SLC30A6: variants seen among roughly 807,000 people sequenced by gnomAD.
The protein encoded by SLC30A6 is zinc transporter 6.
A neutral mutation model predicts 63.0 loss-of-function variants in SLC30A6; 55 were observed. The ratio of observed to expected loss-of-function variants is 0.87; its 90% CI spans 0.70 to 1.09. The LOEUF (loss-of-function observed/expected upper bound fraction) is 1.09, where lower values mean the gene tolerates loss of function less well. Ranked by LOEUF, SLC30A6 falls within the 50% of genes least tolerant of loss-of-function variation. SLC30A6 has a pLI of 0.00. For synonymous variants in SLC30A6, 224 were observed against 186.1 expected (o/e 1.20, Z -1.66); for missense variants, 587 against 549.2 (o/e 1.07, Z -0.69).
At chr2:32,186,077 C>T (rs1203048702) in intron 5 of SLC30A6, among the ~76,000 whole-genome samples, 2 of 151,980 alleles carry the variant, frequency 1.3e-5, no homozygotes, top group Admixed American at 1.3e-4. Flanking sequence ...CTGTGTCACC[C>T]AGGCTGAAGT....
intron 10 of SLC30A6, among the ~76,000 whole-genome samples, chr2:32,198,232 A>G (rs146839386): frequency 0.012 from 1,794 of 152,338 alleles, 25 homozygotes; most frequent in Non-Finnish European, 0.019. Flanking sequence ...ATGTTATGGC[A>G]TATGATTCTT....
chr2:32,181,933 CT>C (rs34589397), intron 4 of SLC30A6, among the ~76,000 whole-genome samples: 15,640 of 122,812 alleles, frequency 0.13, 541 homozygotes, highest in Middle Eastern at 0.17. Flanking sequence ...TTTTTCTTTT[CT>C]TTTTTTTTTT....
intron 10 of SLC30A6, among the ~76,000 whole-genome samples, chr2:32,204,314 C>T (rs1034346628): frequency 5.9e-5 from 9 of 152,074 alleles, no homozygotes; most frequent in African/African-American, 2.2e-4. Flanking sequence ...CAAAAAAATG[C>T]CTGACGGGGA....
chr2:32,218,134 T>A (rs1306773198), intron 13 of SLC30A6, among the ~76,000 whole-genome samples: 1 of 152,026 alleles, frequency 6.6e-6, no homozygotes, highest in Non-Finnish European at 1.5e-5. Flanking sequence ...AAAACATAAT[T>A]TATGGACCGG....
chr2:32,189,371 A>C (rs1169948853), intron 5 of SLC30A6, among the ~76,000 whole-genome samples: 1 of 149,930 alleles, frequency 6.7e-6, no homozygotes, highest in Non-Finnish European at 1.5e-5. Context: ...GGCTCACTGC[A>C]ACCTCCACCT....
chr2:32,203,486 G>A (rs1227668671), intron 10 of SLC30A6: 6 of 1,604,380 alleles, frequency 3.7e-6, no homozygotes, highest in Non-Finnish European at 4.3e-6. Flanking sequence ...GGATGCATTG[G>A]CTGCAGCTTT....
intron 13 of SLC30A6, among the ~76,000 whole-genome samples, chr2:32,210,633 C>T (rs1304139483): frequency 6.6e-6 from 1 of 150,428 alleles, no homozygotes; most frequent in Non-Finnish European, 1.5e-5. Flanking sequence ...TACTCTTCTA[C>T]AGTATCATTA....
At chr2:32,203,002 G>T in intron 10 of SLC30A6, 1 of 1,157,336 alleles carries the variant, frequency 8.6e-7, no homozygotes, top group South Asian at 1.2e-5. Flanking sequence ...ACCCAGAGGA[G>T]TGTAACTGAA....
intron 4 of SLC30A6, among the ~76,000 whole-genome samples, chr2:32,181,863 G>A (rs1205891213): frequency 1.3e-5 from 2 of 149,170 alleles, no homozygotes; most frequent in Admixed American, 6.7e-5. Context: ...GTGAGACTCC[G>A]TCTCAAAAAA....
intron 5 of SLC30A6, among the ~76,000 whole-genome samples, chr2:32,185,060 T>C (rs774234334): frequency 2.4e-4 from 37 of 152,256 alleles, no homozygotes; most frequent in Non-Finnish European, 4.0e-4. Context: ...CAACAAATAA[T>C]TTGAGATTTG....
intron 4 of SLC30A6, among the ~76,000 whole-genome samples, chr2:32,180,261 A>G (rs1310566164): frequency 6.6e-6 from 1 of 151,948 alleles, no homozygotes; most frequent in Non-Finnish European, 1.5e-5. Context: ...AAATTAGCCA[A>G]GTTTGGTGGT....
chr2:32,217,178 C>T (rs1685786624), intron 13 of SLC30A6, among the ~76,000 whole-genome samples: 1 of 152,072 alleles, frequency 6.6e-6, no homozygotes, highest in Admixed American at 6.6e-5. Context: ...GATTACAGGG[C>T]ATGAGCCATA....
rs1573459869 is a variant in SLC30A6, at chr2:32,224,196, T to C, written c.*3483T>C. 3.5e-6 allele frequency: 1 copy of C among 289,340 alleles called. No homozygotes were observed. The allele number at this position is 289,340 out of a possible 1,614,324, so 17.9% of individuals were successfully genotyped here. On this transcript the variant is annotated 3_prime_UTR_variant, in exon 14 of 14. Coordinates refer to ENST00000282587, the MANE Select transcript of SLC30A6 (RefSeq NM_017964.5). ...ATTGAGAATATTGTTGAGAATCTCT[T>C]ACATGCCAGGCACTATACTAAGTTA...
At chr2:32,211,123 C>G (rs1479303349) in intron 13 of SLC30A6, among the ~76,000 whole-genome samples, 1 of 152,158 alleles carries the variant, frequency 6.6e-6, no homozygotes, top group Non-Finnish European at 1.5e-5. Flanking sequence ...GTCTCAGATG[C>G]TCTCTAAAAT....
Position 32,165,917 on chromosome 2 carries a change from T to A in SLC30A6, c.3+14T>A, listed in dbSNP as rs2148780260. On this transcript the variant is annotated intron_variant, in intron 1 of 13. Transcript: ENST00000282587. ...CTCCTTATCATGGTGAGTTGGCTGT[T>A]GGGGTGAGGGTTTCGGCTGTAGCTG... 6.2e-7 allele frequency: 1 copy of A among 1,614,202 alleles called. No individual in the cohort carries two copies. Among genetic ancestry groups the A allele is most frequent in the Non-Finnish European group, 8.5e-7 (1 of 1,180,018 alleles).
At chr2:32,167,972 C>T (rs1680832380) in intron 1 of SLC30A6, among the ~76,000 whole-genome samples, 1 of 152,166 alleles carries the variant, frequency 6.6e-6, no homozygotes, top group African/African-American at 2.4e-5. Flanking sequence ...AGAGCAGGAC[C>T]TATGTATTTC....
chr2:32,184,277 A>T lies in SLC30A6; in HGVS notation c.223A>T (p.Met75Leu). The T allele has an allele frequency of 6.5e-7, 1 of 1,529,278 alleles. No homozygotes were observed. Among genetic ancestry groups the T allele is most frequent in the Non-Finnish European group, 8.9e-7 (1 of 1,128,732 alleles). 94.7% of individuals were successfully genotyped at this position (1,529,278 alleles called of 1,614,324 possible). A position where few individuals can be genotyped will look rare whatever the true frequency, so the allele number is the denominator to read the frequency against. Residue 75 changes from methionine to leucine, a missense_variant, in exon 5 of 14, where the codon ATG becomes TTG. By Grantham distance (15) the Met-to-Leu change is conservative. Coordinates refer to ENST00000282587, the MANE Select transcript of SLC30A6 (RefSeq NM_017964.5). The stretch of plus-strand genomic sequence containing the variant: ...TTTATTTTTCTTTTTACTTAGTTTA[A>T]TGACATGTTTAATAAGTTACTGGGT... ...YLTIFDLFSL[M>L]TCLISYWVTL... is the part of the protein sequence containing the mutation.
At chr2:32,215,518 T>TATATATATATATATATATATATATA (rs66665816) in intron 13 of SLC30A6, among the ~76,000 whole-genome samples, 1 of 93,288 alleles carries the variant, frequency 1.1e-5, no homozygotes, top group African/African-American at 4.8e-5. Context: ...ATATATATAT[T>TATATATATATATATATATATATATA]TTTTTTTTTT....
intron 7 of SLC30A6, 70 bp downstream of exon 7, chr2:32,193,023 T>G (rs1683475182): frequency 6.8e-6 from 7 of 1,030,536 alleles, no homozygotes; most frequent in African/African-American, 1.7e-5. Flanking sequence ...TATTAAACAG[T>G]TGGCCAATGT....
Sources: gnomAD v4.1 joint callset for allele counts (sites outside exome capture counted in the v4.1 genomes callset) on GRCh38, gnomAD v4.1.1 for gene constraint, MANE v1.5 for transcripts, NCBI Gene and HGNC (gene_info 2026-07-23, HGNC 2026-07-21) for gene names.